Variants in ZNF292 observed in about 807,000 individuals in gnomAD.
ZNF292 encodes the protein zinc finger protein 292.
In ZNF292, 26 loss-of-function variants were observed where a neutral mutation model predicts 217.9. That is an observed-to-expected ratio of 0.12 (90% CI 0.09 to 0.17). The LOEUF (loss-of-function observed/expected upper bound fraction) is 0.17, where lower values mean the gene tolerates loss of function less well. Among genes scored for constraint, ZNF292 ranks in the 10% least tolerant of loss-of-function variants. The pLI is 1.00. For missense variants in ZNF292, 2,904 were observed against 3,175.2 expected (o/e 0.91, Z 2.05); for synonymous variants, 1,257 against 1,124.1 (o/e 1.12, Z -2.37).
chr6:87,193,448 G>C (rs917853641), intron 1 of ZNF292, among the ~76,000 whole-genome samples: 1 of 151,994 alleles, frequency 6.6e-6, no homozygotes, highest in African/African-American at 2.4e-5. Context: ...GCTGAGGTGG[G>C]AGGATTGCTT....
At position 87,255,051 on chromosome 6, in the gene ZNF292, T is replaced by G; in HGVS notation, c.1422T>G (p.Asn474Lys). 6.2e-7 allele frequency: 1 copy of G among 1,613,736 alleles called. No individual in the cohort carries two copies. The highest frequency in any genetic ancestry group is 8.5e-7 in the Non-Finnish European group (1 of 1,179,836). ...TTGTGTCTTCAATAGATGAACTAAA[T>G]GACAGTGAAGTATATGAAAAAGTGG... ...ASIVSSIDELNDSEVYEKVVD... is the reference protein window; with the variant it reads ...ASIVSSIDELKDSEVYEKVVD... Residue 474 changes from asparagine (N) to lysine (K), a missense_variant, in exon 8 of 8, where the codon AAT becomes AAG. This residue lies in a region of ZNF292 where 87 missense variants were observed against 99.6 expected (regional missense o/e 0.87). Transcript: ENST00000369577.
intron 1 of ZNF292, among the ~76,000 whole-genome samples, chr6:87,204,203 A>T (rs1052176228): frequency 2.6e-5 from 4 of 152,232 alleles, no homozygotes; most frequent in African/African-American, 9.6e-5. Flanking sequence ...AGGAGACTGA[A>T]GGGACATGAC....
At chr6:87,158,326 C>A (rs193285740) in intron 1 of ZNF292, among the ~76,000 whole-genome samples, 10 of 152,150 alleles carry the variant, frequency 6.6e-5, no homozygotes, top group Admixed American at 6.5e-4. Flanking sequence ...CTCAGGTAAC[C>A]TATTTATGTT....
chr6:87,216,151 ACACAC>A lies in ZNF292; in HGVS notation c.323+95_323+99del, dbSNP rs1562146986. ...CACACACACACACACACACACACAC[ACACAC>A]AACATTAAATCTCAAGTCTTATAGT... On this transcript the variant is annotated intron_variant, in intron 2 of 7. Coordinates refer to ENST00000369577, the MANE Select transcript of ZNF292 (RefSeq NM_015021.3). The A allele has an allele frequency of 2.1e-5, 25 of 1,166,300 alleles. No individual in the cohort carries two copies. In the African/African-American group the frequency reaches 3.3e-4, roughly 16 times the overall value. The allele number at this position is 1,166,300 out of a possible 1,614,324, so 72.2% of individuals were successfully genotyped here.
In ZNF292 at chr6:87,256,423, T is replaced by G; in HGVS notation, c.2794T>G (p.Ser932Ala). The G allele has an allele frequency of 6.2e-7, 1 of 1,606,992 alleles. No individual in the cohort carries two copies. The highest frequency in any genetic ancestry group is 1.1e-5 in the South Asian group (1 of 90,888). Residue 932 changes from serine to alanine, a missense_variant, in exon 8 of 8, where the codon TCC (serine) becomes GCC (alanine). By Grantham distance (99) the Ser-to-Ala change is moderately conservative. Transcript: ENST00000369577. ...ENPATTPLLQ[S>A]SEVAVSIKVS... ...CCCTGCTACTACTCCTCTACTTCAA[T>G]CCAGTGAAGTAGCTGTGTCCATTAA...
At chr6:87,221,698 T>G (rs897067402) in intron 4 of ZNF292, among the ~76,000 whole-genome samples, 1 of 151,450 alleles carries the variant, frequency 6.6e-6, no homozygotes, top group South Asian at 2.1e-4. Context: ...TATGGAAGTC[T>G]TCTTTTGTAG....
intron 7 of ZNF292, among the ~76,000 whole-genome samples, chr6:87,246,842 A>G (rs995745685): frequency 1.3e-5 from 2 of 151,732 alleles, no homozygotes; most frequent in Non-Finnish European, 2.9e-5. Flanking sequence ...GGTGACAAGC[A>G]AGATCCTGTC....
At chr6:87,249,578 A>G (rs1024231535) in intron 7 of ZNF292, 1 of 159,364 alleles carries the variant, frequency 6.3e-6, no homozygotes, top group African/African-American at 2.4e-5. Flanking sequence ...AACTAGAATC[A>G]TAGATTATTA....
rs148983649 is a variant in ZNF292, at chr6:87,208,486, T to C, written c.169-7417T>C. Among the ~76,000 whole-genome samples, 17 of 152,230 alleles carry C rather than the reference T, an allele frequency of 1.1e-4. No homozygotes were observed. In the East Asian group the frequency reaches 3.3e-3, roughly 29 times the overall value. On this transcript the variant is annotated intron_variant, in intron 1 of 7. Coordinates refer to ENST00000369577, the MANE Select transcript of ZNF292 (RefSeq NM_015021.3). ...TTTCCCTTAACTATTTCTTATAACA[T>C]GGTGTTTTTGTTCGTAGATGTAATA...
chr6:87,257,161 CCTG>C lies in ZNF292; in HGVS notation c.3535_3537del (p.Ala1179del). ...ATCACAGACCAAAGCCAATGGGAAT[CCTG>C]CTTGTTCGGCCCAGTTGCAGCATGT... On this transcript the variant is annotated inframe_deletion, in exon 8 of 8. Transcript: ENST00000369577. The C allele has an allele frequency of 6.2e-7, 1 of 1,613,906 alleles. No individual in the cohort carries two copies. The highest frequency in any genetic ancestry group is 8.5e-7 in the Non-Finnish European group (1 of 1,179,864).
chr6:87,199,050 A>G (rs1224831072), intron 1 of ZNF292, among the ~76,000 whole-genome samples: 1 of 152,198 alleles, frequency 6.6e-6, no homozygotes, highest in East Asian at 1.9e-4. Flanking sequence ...GCTGGTTTGA[A>G]TAGTAAATTT....
intron 1 of ZNF292, among the ~76,000 whole-genome samples, chr6:87,191,084 A>G (rs1432100066): frequency 6.6e-6 from 1 of 151,794 alleles, no homozygotes; most frequent in Non-Finnish European, 1.5e-5. Context: ...CTTTTTTTTT[A>G]ACCTAATGAT....
At chr6:87,185,487 A>T (rs1439320343) in intron 1 of ZNF292, among the ~76,000 whole-genome samples, 1 of 152,172 alleles carries the variant, frequency 6.6e-6, no homozygotes, top group African/African-American at 2.4e-5. Flanking sequence ...AACTTGAAGC[A>T]TACTTTCTTT....
At chr6:87,195,556 A>G (rs1235454106) in intron 1 of ZNF292, among the ~76,000 whole-genome samples, 1 of 152,226 alleles carries the variant, frequency 6.6e-6, no homozygotes, top group Non-Finnish European at 1.5e-5. Context: ...AAGCAATTTT[A>G]ATACTTTATC....
intron 1 of ZNF292, among the ~76,000 whole-genome samples, chr6:87,169,396 G>A (rs1017140140): frequency 6.6e-6 from 1 of 151,912 alleles, no homozygotes; most frequent in Non-Finnish European, 1.5e-5. Flanking sequence ...TATGGGTATG[G>A]AACCCATGGA....
In ZNF292 at chr6:87,259,453, T is replaced by C. The variant is rs1323661558; in HGVS notation, c.5824T>C (p.Leu1942=). 5.0e-6 allele frequency: 8 copies of C among 1,590,714 alleles called. No individual in the cohort carries two copies. Among genetic ancestry groups the C allele is most frequent in the Non-Finnish European group, 5.1e-6 (6 of 1,167,260 alleles). The change falls in exon 8 of 8, where the codon TTG becomes CTG. Residue 1942 remains leucine, a synonymous_variant. Coordinates refer to ENST00000369577, the MANE Select transcript of ZNF292 (RefSeq NM_015021.3). ...GATTCTTGAAATTAAGAAGAATCAATTGAAATTTGCTCCCTTTAAATGTGT... is the reference window on the plus strand; with the variant it reads ...GATTCTTGAAATTAAGAAGAATCAACTGAAATTTGCTCCCTTTAAATGTGT... The part of the protein sequence containing the change: ...EMILEIKKNQ[L]KFAPFKCVVP...
intron 4 of ZNF292, among the ~76,000 whole-genome samples, chr6:87,231,071 CATT>C (rs1056463839): frequency 4.0e-5 from 6 of 151,758 alleles, no homozygotes; most frequent in Admixed American, 2.0e-4. Context: ...AATATTGTAA[CATT>C]ATAAGGAAAA....
chr6:87,237,302 G>A (rs564982406), intron 5 of ZNF292, among the ~76,000 whole-genome samples: 92 of 152,264 alleles, frequency 6.0e-4, no homozygotes, highest in African/African-American at 2.0e-3. Flanking sequence ...CTGGAGTGCA[G>A]TGGTGTGATC....
chr6:87,215,794 A>G, intron 1 of ZNF292, 109 bp from the exon 2 acceptor site: 1 of 775,630 alleles, frequency 1.3e-6, no homozygotes, highest in Non-Finnish European at 1.9e-6. Context: ...TTTTGTTTTT[A>G]TAAATAAAAA....
Sources: gnomAD v4.1 joint callset for allele counts (sites outside exome capture counted in the v4.1 genomes callset) on GRCh38, gnomAD v4.1.1 for gene constraint, gnomAD v4.1.1 regional missense constraint, MANE v1.5 for transcripts, NCBI Gene and HGNC (gene_info 2026-07-23, HGNC 2026-07-21) for gene names.